CMTM8: variants seen among roughly 807,000 people sequenced by gnomAD.
CMTM8 encodes CKLF like MARVEL transmembrane domain containing 8.
In CMTM8, 12 loss-of-function variants were observed where a neutral mutation model predicts 18.6. The observed-to-expected ratio is 0.65, with a 90% confidence interval of 0.41 to 1.05. The LOEUF (loss-of-function observed/expected upper bound fraction) is 1.05. Among genes scored for constraint, CMTM8 ranks in the 50% least tolerant of loss-of-function variants. CMTM8 has a pLI of 0.00. For synonymous variants in CMTM8, 87 were observed against 90.6 expected, an observed-to-expected ratio of 0.96 and a Z score of 0.23; for missense variants, 217 against 227.2, an observed-to-expected ratio of 0.95 and a Z score of 0.29.
In CMTM8 at chr3:32,249,030, C is replaced by CTTTTTTT. The variant is rs58156524; in HGVS notation, c.147+9933_147+9939dup. On this transcript the variant is annotated intron_variant, in intron 1 of 3. Coordinates refer to ENST00000307526, the MANE Select transcript of CMTM8 (RefSeq NM_178868.5). ...ATGGAGTTACTGGGTAATGTGGAATCTTTTTTTTTTTTTTTTTTTTTTTTT... is the reference window on the plus strand; with the variant it reads ...ATGGAGTTACTGGGTAATGTGGAATCTTTTTTTTTTTTTTTTTTTTTTTTTTTTTTTT... Among the ~76,000 whole-genome samples the CTTTTTTT allele has an allele frequency of 8.3e-4, 52 of 62,456 alleles. 4 individuals carry two copies. Among genetic ancestry groups the CTTTTTTT allele is most frequent in the African/African-American group, 1.4e-3 (21 of 14,620 alleles). The allele number at this position is 62,456 out of a possible 152,430, so 41.0% of individuals were successfully genotyped here.
intron 1 of CMTM8, among the ~76,000 whole-genome samples, chr3:32,350,795 A>G (rs1363688759): frequency 1.3e-5 from 2 of 151,964 alleles, no homozygotes; most frequent in Middle Eastern, 3.4e-3. Flanking sequence ...AGTGTTGGGA[A>G]TACAGGCGTG....
chr3:32,284,328 C>T (rs1303017522), intron 1 of CMTM8, among the ~76,000 whole-genome samples: 2 of 152,118 alleles, frequency 1.3e-5, no homozygotes, highest in East Asian at 1.9e-4. Flanking sequence ...AGAAACCTGG[C>T]CTGAAAGAAC....
At chr3:32,313,565 A>G (rs1442507689) in intron 1 of CMTM8, among the ~76,000 whole-genome samples, 2 of 152,090 alleles carry the variant, frequency 1.3e-5, no homozygotes, top group African/African-American at 2.4e-5. Context: ...TTGGCCTCCC[A>G]AAGTGCTGAG....
intron 1 of CMTM8, among the ~76,000 whole-genome samples, chr3:32,353,580 T>G (rs955198077): frequency 3.9e-5 from 6 of 152,148 alleles, no homozygotes; most frequent in African/African-American, 1.4e-4. Flanking sequence ...TATTACTGAC[T>G]GAAAGAAGCA....
At chr3:32,309,205 G>A (rs1474804598) in intron 1 of CMTM8, among the ~76,000 whole-genome samples, 4 of 151,990 alleles carry the variant, frequency 2.6e-5, no homozygotes, top group South Asian at 2.1e-4. Flanking sequence ...AGCATTGCCT[G>A]GGCCTTTCTA....
chr3:32,259,291 T>C, intron 1 of CMTM8: 1 of 674,520 alleles, frequency 1.5e-6, no homozygotes, highest in Non-Finnish European at 2.8e-6. Context: ...CAAAATCCCC[T>C]GAAGGGACCC....
chr3:32,349,939 C>T (rs960358196), intron 1 of CMTM8, among the ~76,000 whole-genome samples: 3 of 151,984 alleles, frequency 2.0e-5, no homozygotes, highest in Non-Finnish European at 2.9e-5. Flanking sequence ...ACCTGGGAGA[C>T]GGAGGTTGCA....
In CMTM8 at chr3:32,332,254, A is replaced by C. The variant is rs1696293938; in HGVS notation, c.148-25119A>C. ...CGCAGTGGACGCAGCACAGGATGTA[A>C]AGCTGGGGTGCTGGTTGCTAGTTCC... On this transcript the variant is annotated intron_variant, in intron 1 of 3. Transcript: ENST00000307526. Among the ~76,000 whole-genome samples the C allele has an allele frequency of 2.6e-5, 4 of 152,164 alleles. No homozygotes were observed. The South Asian group carries it at 8.3e-4, about 32-fold the overall frequency.
intron 1 of CMTM8, among the ~76,000 whole-genome samples, chr3:32,301,069 A>G (rs1695603930): frequency 6.6e-6 from 1 of 152,316 alleles, no homozygotes; most frequent in Middle Eastern, 3.4e-3. Flanking sequence ...TAAATTGCAA[A>G]TGATTTTTGT....
intron 1 of CMTM8, among the ~76,000 whole-genome samples, chr3:32,342,812 G>A (rs537493096): frequency 2.0e-5 from 3 of 152,336 alleles, no homozygotes; most frequent in African/African-American, 7.2e-5. Context: ...TAGCATAGTA[G>A]TAATAATTGA....
intron 2 of CMTM8, among the ~76,000 whole-genome samples, chr3:32,367,197 T>G (rs189522977): frequency 6.6e-6 from 1 of 152,322 alleles, no homozygotes; most frequent in African/African-American, 2.4e-5. Flanking sequence ...CAGCTTTGCA[T>G]GGTTTCCTAT....
intron 1 of CMTM8, among the ~76,000 whole-genome samples, chr3:32,337,157 C>T (rs1406402362): frequency 1.3e-5 from 2 of 152,206 alleles, no homozygotes; most frequent in African/African-American, 4.8e-5. Context: ...ATGATCCAAT[C>T]ACCTCCCAAA....
chr3:32,316,013 C>A (rs1351148474), intron 1 of CMTM8, among the ~76,000 whole-genome samples: 1 of 131,382 alleles, frequency 7.6e-6, no homozygotes, highest in African/African-American at 2.7e-5. Context: ...TTCTGTGATT[C>A]CACCTTTTTT....
In CMTM8 at chr3:32,369,890, G is replaced by T. The variant is rs1052344116; in HGVS notation, c.445G>T (p.Ala149Ser). ...FNSWAASSFFAFLVTICYAGN... is the reference protein window; with the variant it reads ...FNSWAASSFFSFLVTICYAGN... ...TATGCTTTGTTTTCTCCAGTTCTTT[G>T]CCTTCCTGGTCACCATCTGCTACGC... The change falls in exon 4 of 4, where the codon GCC becomes TCC. Residue 149 changes from alanine (A) to serine (S), a missense_variant. By Grantham distance (99) the Ala-to-Ser change is moderately conservative (BLOSUM62 1). Coordinates refer to ENST00000307526, the MANE Select transcript of CMTM8 (RefSeq NM_178868.5). 2 of 1,606,724 alleles carry T rather than the reference G, an allele frequency of 1.2e-6. No homozygotes were observed. The highest frequency in any genetic ancestry group is 3.3e-5 in the Admixed American group (2 of 59,870).
intron 1 of CMTM8, among the ~76,000 whole-genome samples, chr3:32,257,255 G>A (rs1383666199): frequency 6.6e-6 from 1 of 152,190 alleles, no homozygotes; most frequent in Non-Finnish European, 1.5e-5. Flanking sequence ...GGGATTACAG[G>A]AGTGAGCCAC....
intron 1 of CMTM8, among the ~76,000 whole-genome samples, chr3:32,273,122 G>A (rs1191002563): frequency 2.1e-5 from 2 of 93,514 alleles, no homozygotes. Flanking sequence ...TGGAGAAATT[G>A]GAACAAATGT....
At chr3:32,300,222 A>T (rs931777109) in intron 1 of CMTM8, among the ~76,000 whole-genome samples, 4 of 152,266 alleles carry the variant, frequency 2.6e-5, no homozygotes, top group East Asian at 3.9e-4. Flanking sequence ...TGAGCGGGGG[A>T]ACCCAGCAAG....
chr3:32,333,307 A>G (rs1696317503), intron 1 of CMTM8, among the ~76,000 whole-genome samples: 1 of 152,212 alleles, frequency 6.6e-6, no homozygotes, highest in Non-Finnish European at 1.5e-5. Flanking sequence ...CTGTGGCCAG[A>G]TTTGGCTACT....
At chr3:32,243,112 C>G (rs984651081) in intron 1 of CMTM8, among the ~76,000 whole-genome samples, 1 of 150,314 alleles carries the variant, frequency 6.7e-6, no homozygotes, top group South Asian at 2.2e-4. Context: ...GGGCTGGTCT[C>G]GAATTCCTGA....
Sources: gnomAD v4.1 joint callset for allele counts (sites outside exome capture counted in the v4.1 genomes callset) on GRCh38, gnomAD v4.1.1 for gene constraint, MANE v1.5 for transcripts, NCBI Gene and HGNC (gene_info 2026-07-23, HGNC 2026-07-21) for gene names.